ITGA2B: variants seen among roughly 807,000 people sequenced by gnomAD.
ITGA2B encodes the protein integrin subunit alpha 2b.
A neutral mutation model predicts 142.0 loss-of-function variants in ITGA2B; 91 were observed. The observed-to-expected ratio is 0.64, with a 90% CI of 0.54 to 0.76. ITGA2B has a LOEUF of 0.76. Among genes scored for constraint, ITGA2B ranks in the 30% least tolerant of loss-of-function variants. The pLI is 0.00. For missense variants in ITGA2B, 1,231 were observed against 1,350.8 expected, an observed-to-expected ratio of 0.91 and a Z score of 1.39; for synonymous variants, 536 against 567.2, an observed-to-expected ratio of 0.94 and a Z score of 0.78.
intron 4 of ITGA2B, 57 bp downstream of exon 4, chr17:44,385,494 T>C (rs1218564695): frequency 1.5e-6 from 2 of 1,347,064 alleles, no homozygotes; most frequent in African/African-American, 4.0e-5. Flanking sequence ...CGGGATCCGA[T>C]GGGGGCGGGG....
chr17:44,389,518 C>T lies in ITGA2B; in HGVS notation c.-45G>A. On this transcript the variant is annotated 5_prime_UTR_variant, in exon 1 of 30. Transcript: ENST00000262407. ...CCCAGGCAGGAATGGGCCAGCTCCTCCTCCTTCCCTTCAGATTCCTCCACA... is the reference window on the plus strand; with the variant it reads ...CCCAGGCAGGAATGGGCCAGCTCCTTCTCCTTCCCTTCAGATTCCTCCACA... 1 of 1,597,442 alleles carries T rather than the reference C, an allele frequency of 6.3e-7. No individual in the cohort carries two copies. The highest frequency in any genetic ancestry group is 8.6e-7 in the Non-Finnish European group (1 of 1,168,378).
At position 44,375,604 on chromosome 17, in the gene ITGA2B, T is replaced by A. The variant is rs1288732909; in HGVS notation, c.2714A>T (p.Asp905Val). ...PEPEQPSRLQ[D>V]PVLVSCDSAP... ...GAGCCTGCTCACTACGAGAACTGGA[T>A]CCTGAAGCCTCGAGGGCTGCTCGGG... The change falls in exon 26 of 30, where the codon GAT (aspartate) becomes GTT (valine). Residue 905 changes from aspartate (D) to valine (V), a missense_variant. By Grantham distance (152) the Asp-to-Val change is radical (BLOSUM62 -3). Transcript: ENST00000262407. 1 of 1,613,996 alleles carries A rather than the reference T, an allele frequency of 6.2e-7. No homozygotes were observed. The highest frequency in any genetic ancestry group is 1.1e-5 in the South Asian group (1 of 91,064).
At chr17:44,381,480 C>T (rs2048597105) in intron 12 of ITGA2B, among the ~76,000 whole-genome samples, 1 of 151,956 alleles carries the variant, frequency 6.6e-6, no homozygotes, top group Admixed American at 6.6e-5. Flanking sequence ...CAGGCGCCTA[C>T]CACCATGCCC....
chr17:44,377,165 T>C, intron 21 of ITGA2B, 77 bp from the exon 22 acceptor site: 1 of 1,023,158 alleles, frequency 9.8e-7, no homozygotes, highest in East Asian at 2.6e-5. Context: ...TGGCCTCCAG[T>C]CTTCACCCTC....
chr17:44,384,040 A>T (rs2048620773), intron 10 of ITGA2B, 45 bp downstream of exon 10: 1 of 1,613,752 alleles, frequency 6.2e-7, no homozygotes, highest in Non-Finnish European at 8.5e-7. Context: ...CTGAAGTCTC[A>T]GTTCCCCCTC....
rs748893998 is a variant in ITGA2B, at chr17:44,389,534, T to C, written c.-61A>G. Reference sequence around the variant, plus strand: ...CCAGCTCCTCCTCCTTCCCTTCAGATTCCTCCACAGGAAGTCTTTTCTTAT... The same window carrying C: ...CCAGCTCCTCCTCCTTCCCTTCAGACTCCTCCACAGGAAGTCTTTTCTTAT... On this transcript the variant is annotated 5_prime_UTR_variant, in exon 1 of 30. Coordinates refer to ENST00000262407, the MANE Select transcript of ITGA2B (RefSeq NM_000419.5). The C allele has an allele frequency of 1.9e-6, 3 of 1,561,162 alleles. No homozygotes were observed. The highest frequency in any genetic ancestry group is 1.7e-5 in the Admixed American group (1 of 57,816).
At position 44,389,586 on chromosome 17, in the gene ITGA2B, G is replaced by A; in HGVS notation, c.-113C>T. 8.1e-7 allele frequency: 1 copy of A among 1,229,000 alleles called. No individual in the cohort carries two copies. Among genetic ancestry groups the A allele is most frequent in the Non-Finnish European group, 1.2e-6 (1 of 866,532 alleles). 76.1% of individuals were successfully genotyped at this position (1,229,000 alleles called of 1,614,324 possible). A position where few individuals can be genotyped will look rare whatever the true frequency, so the allele number is the denominator to read the frequency against. On this transcript the variant is annotated 5_prime_UTR_variant, in exon 1 of 30. Transcript: ENST00000262407. Reference sequence around the variant, plus strand: ...AAACTGGAACCCCAAGTAACTTGCTGAGCAACGGGCAGAGCAAAGGGCTAT... The same window carrying A: ...AAACTGGAACCCCAAGTAACTTGCTAAGCAACGGGCAGAGCAAAGGGCTAT...
Position 44,383,694 on chromosome 17 carries a change from G to A in ITGA2B, c.1009C>T (p.Leu337=). The change falls in exon 12 of 30, where the codon CTG becomes TTG. Residue 337 remains leucine (L), a synonymous_variant. Coordinates refer to ENST00000262407, the MANE Select transcript of ITGA2B (RefSeq NM_000419.5). ...TDVNGDGRHD[L]LVGAPLYMES... is the part of the protein sequence containing the mutation. ...ATATACAGTGGAGCGCCCACCAGCA[G>A]ATCATGCCTCCTGTGGGCCAGATGA... 3.2e-6 allele frequency: 5 copies of A among 1,578,190 alleles called. No individual in the cohort carries two copies. In the South Asian group the frequency reaches 5.8e-5, roughly 18 times the overall value.
intron 22 of ITGA2B, 140 bp downstream of exon 22, chr17:44,376,869 T>C (rs1453841073): frequency 8.5e-6 from 6 of 709,374 alleles, no homozygotes; most frequent in Non-Finnish European, 1.5e-5. Flanking sequence ...TGCCTTGGCC[T>C]CGCAACGTGC....
chr17:44,375,781 G>A (rs371397107), intron 25 of ITGA2B, 52 bp downstream of exon 25: 19 of 1,557,138 alleles, frequency 1.2e-5, no homozygotes, highest in African/African-American at 2.7e-5. Context: ...GAGGTGCCCC[G>A]GTGGTTGGTC....
rs768859260 is a variant in ITGA2B at position 44,379,788 on chromosome 17, C to G, written c.1779G>C (p.Leu593=). 6.2e-7 allele frequency: 1 copy of G among 1,613,876 alleles called. No homozygotes were observed. Among genetic ancestry groups the G allele is most frequent in the Non-Finnish European group, 8.5e-7 (1 of 1,180,000 alleles). ...CATTGAGGCTGAGCACAATGGGGCT[C>G]AGCTTGTCCCGGAAGTCTGCCTCAT... ...LRDEADFRDK[L]SPIVLSLNVS... Residue 593 remains leucine (L), a synonymous_variant, in exon 18 of 30, where the codon CTG becomes CTC. Coordinates refer to ENST00000262407, the MANE Select transcript of ITGA2B (RefSeq NM_000419.5).
intron 29 of ITGA2B, 29 bp from the exon 30 acceptor site, chr17:44,372,452 G>T: frequency 6.2e-7 from 1 of 1,608,270 alleles, no homozygotes; most frequent in African/African-American, 1.3e-5. Context: ...CAAGGTCAGG[G>T]TATACAGATG....
In ITGA2B at chr17:44,375,502, C is replaced by G. The variant is rs536216909; in HGVS notation, c.2727+89G>C. ...ACCAAGCGTGGCCCACAGAGGCCCACAGCACACCCGGACCCCTCTCCCTCC... is the reference window on the plus strand; with the variant it reads ...ACCAAGCGTGGCCCACAGAGGCCCAGAGCACACCCGGACCCCTCTCCCTCC... On this transcript the variant is annotated intron_variant, in intron 26 of 29. Transcript: ENST00000262407. The G allele has an allele frequency of 2.9e-5, 45 of 1,528,320 alleles. 1 individual carries two copies. The highest frequency in any genetic ancestry group is 9.6e-5 in the African/African-American group (7 of 73,264). 94.7% of individuals were successfully genotyped at this position (1,528,320 alleles called of 1,614,324 possible).
chr17:44,384,404 C>T (rs1225228278), intron 8 of ITGA2B, 50 bp from the exon 9 acceptor site: 3 of 1,610,428 alleles, frequency 1.9e-6, no homozygotes, highest in South Asian at 1.1e-5. Flanking sequence ...TAGAACCTAC[C>T]CACTTCCCGC....
intron 29 of ITGA2B, chr17:44,373,825 A>C (rs900380953): frequency 5.3e-6 from 1 of 187,090 alleles, no homozygotes; most frequent in South Asian, 1.1e-4. Context: ...TTCCAGTGGT[A>C]TGTGTCTGGA....
chr17:44,376,054 C>T, intron 24 of ITGA2B, 31 bp downstream of exon 24: 1 of 1,614,120 alleles, frequency 6.2e-7, no homozygotes, highest in South Asian at 1.1e-5. Flanking sequence ...GACCCGCTCA[C>T]CCCAGCCAGG....
intron 19 of ITGA2B, 54 bp from the exon 20 acceptor site, chr17:44,378,563 G>A: frequency 1.9e-6 from 3 of 1,606,722 alleles, no homozygotes; most frequent in East Asian, 2.2e-5. Context: ...CCAGGATGTG[G>A]GAAAAGAGGG....
chr17:44,381,149 T>C (rs1314999731), intron 12 of ITGA2B, 88 bp from the exon 13 acceptor site: 1 of 1,324,720 alleles, frequency 7.5e-7, no homozygotes, highest in African/African-American at 1.5e-5. Context: ...TCTGGGAACA[T>C]CCCAGGAGAC....
chr17:44,382,623 C>T (rs549425520), intron 12 of ITGA2B, among the ~76,000 whole-genome samples: 3 of 152,140 alleles, frequency 2.0e-5, no homozygotes, highest in Non-Finnish European at 2.9e-5. Flanking sequence ...AGAGATTCTC[C>T]TGCTTCAATT....
Sources: gnomAD v4.1 joint callset for allele counts (sites outside exome capture counted in the v4.1 genomes callset) on GRCh38, gnomAD v4.1.1 for gene constraint, MANE v1.5 for transcripts, NCBI Gene and HGNC (gene_info 2026-07-23, HGNC 2026-07-21) for gene names.